TMOD3: variants seen among roughly 807,000 people sequenced by gnomAD.
TMOD3 encodes tropomodulin 3, also known as tropomodulin-3.
A neutral mutation model predicts 39.2 loss-of-function variants in TMOD3; 20 were observed. That is an observed-to-expected ratio of 0.51 (90% CI 0.36 to 0.74). TMOD3 has a LOEUF of 0.74. Ranked by LOEUF, TMOD3 falls within the 30% of genes least tolerant of loss-of-function variation. TMOD3 has a pLI of 0.00. For synonymous variants in TMOD3, 143 were observed against 145.8 expected (o/e 0.98, Z 0.14); for missense variants, 381 against 412.8 (o/e 0.92, Z 0.67).
At chr15:51,898,128 G>T (rs1046274344) in intron 7 of TMOD3, among the ~76,000 whole-genome samples, 3 of 152,162 alleles carry the variant, frequency 2.0e-5, no homozygotes, top group South Asian at 2.1e-4. Flanking sequence ...ATCTTTCAGT[G>T]GCCTTATAAG....
At chr15:51,869,447 TC>T in intron 3 of TMOD3, 74 bp downstream of exon 3, 1 of 1,454,294 alleles carries the variant, frequency 6.9e-7, no homozygotes, top group African/African-American at 1.4e-5. Context: ...GTGGAGAAAA[TC>T]ATATTTTTAG....
intron 1 of TMOD3, among the ~76,000 whole-genome samples, chr15:51,852,342 G>T (rs567679066): frequency 5.3e-5 from 8 of 151,934 alleles, no homozygotes; most frequent in African/African-American, 1.9e-4. Flanking sequence ...TAAGCCTAGC[G>T]CAACTGAAGA....
rs985275076 is a variant in TMOD3, at chr15:51,831,459, T to C, written c.-75+1623T>C. On this transcript the variant is annotated intron_variant, in intron 1 of 9. Coordinates refer to ENST00000308580, the MANE Select transcript of TMOD3 (RefSeq NM_014547.5). ...TAATTCATTCAGGATATTCTAGGTT[T>C]GAAGTAGAGTCCAAAGTCTGTATGT... Among the ~76,000 whole-genome samples, 3 of 152,326 alleles carry C rather than the reference T, an allele frequency of 2.0e-5. No homozygotes were observed. In the South Asian group the frequency reaches 6.2e-4, roughly 32 times the overall value.
At chr15:51,893,990 T>G in intron 6 of TMOD3, 45 bp downstream of exon 6, 1 of 1,485,700 alleles carries the variant, frequency 6.7e-7, no homozygotes. Flanking sequence ...TTGAGTTAGT[T>G]GAACCTAGGA....
chr15:51,839,482 G>C (rs2056303046), intron 1 of TMOD3, among the ~76,000 whole-genome samples: 1 of 151,966 alleles, frequency 6.6e-6, no homozygotes, highest in African/African-American at 2.4e-5. Context: ...TCTCTTATTT[G>C]GTGTCTATTT....
chr15:51,836,827 G>C (rs1425951305), intron 1 of TMOD3, among the ~76,000 whole-genome samples: 2 of 151,918 alleles, frequency 1.3e-5, no homozygotes, highest in Non-Finnish European at 2.9e-5. Flanking sequence ...CCACTGCCTC[G>C]GGTATATATG....
Position 51,869,248 on chromosome 15 carries a change from A to G in TMOD3, c.158A>G (p.Lys53Arg). 6.2e-7 allele frequency: 1 copy of G among 1,614,052 alleles called. No individual in the cohort carries two copies. The highest frequency in any genetic ancestry group is 8.5e-7 in the Non-Finnish European group (1 of 1,179,964). Residue 53 changes from lysine (K) to arginine (R), a missense_variant, in exon 3 of 10, where the codon AAG becomes AGG. Transcript: ENST00000308580. ...NALLPAGFRQ[K>R]NQTSKSTTGP... ...CTTCTGCCTGCAGGGTTCCGGCAGAAGAACCAGACATCAAAGTCCACCACA... is the reference window on the plus strand; with the variant it reads ...CTTCTGCCTGCAGGGTTCCGGCAGAGGAACCAGACATCAAAGTCCACCACA...
chr15:51,913,906 G>A lies in TMOD3; in HGVS notation c.*5096G>A, dbSNP rs370025097. ...CGCATGCCTGTAGTCCCATCTACTC[G>A]GAAGACTGAGGCAGCAGAACCGCTT... is the stretch of plus-strand genomic sequence containing the variant. On this transcript the variant is annotated 3_prime_UTR_variant, in exon 10 of 10. Coordinates refer to ENST00000308580, the MANE Select transcript of TMOD3 (RefSeq NM_014547.5). The A allele has an allele frequency of 2.6e-5, 4 of 151,740 alleles. No individual in the cohort carries two copies. In the East Asian group the frequency reaches 5.8e-4, roughly 22 times the overall value. 9.4% of individuals were successfully genotyped at this position (151,740 alleles called of 1,614,324 possible).
At chr15:51,836,932 A>G (rs1389923487) in intron 1 of TMOD3, among the ~76,000 whole-genome samples, 1 of 152,120 alleles carries the variant, frequency 6.6e-6, no homozygotes, top group Non-Finnish European at 1.5e-5. Flanking sequence ...ATAACCCCCT[A>G]CAAATAAACA....
intron 3 of TMOD3, among the ~76,000 whole-genome samples, chr15:51,876,377 C>G (rs1396977680): frequency 2.0e-5 from 3 of 151,562 alleles, no homozygotes; most frequent in Non-Finnish European, 4.4e-5. Flanking sequence ...CTATGTTGTT[C>G]TCAAATGCTT....
intron 9 of TMOD3, among the ~76,000 whole-genome samples, chr15:51,906,662 G>A (rs996736643): frequency 2.0e-5 from 3 of 152,132 alleles, no homozygotes; most frequent in Admixed American, 6.5e-5. Flanking sequence ...AGCATCTGAA[G>A]TGGTATGCCA....
In TMOD3 at chr15:51,911,456, G is replaced by A. The variant is rs1372029513; in HGVS notation, c.*2646G>A. 1 of 151,916 alleles carries A rather than the reference G, an allele frequency of 6.6e-6. No individual in the cohort carries two copies. The highest frequency in any genetic ancestry group is 6.6e-5 in the Admixed American group (1 of 15,248). The allele number at this position is 151,916 out of a possible 1,614,324, so 9.4% of individuals were successfully genotyped here. On this transcript the variant is annotated 3_prime_UTR_variant, in exon 10 of 10. Coordinates refer to ENST00000308580, the MANE Select transcript of TMOD3 (RefSeq NM_014547.5). ...TCCAAAATTATAAGGGAGAAAAATCGGGTTTACTTCAATCTTTAAAAATCT... is the reference window on the plus strand; with the variant it reads ...TCCAAAATTATAAGGGAGAAAAATCAGGTTTACTTCAATCTTTAAAAATCT...
At chr15:51,835,410 C>T (rs541892448) in intron 1 of TMOD3, among the ~76,000 whole-genome samples, 74 of 152,258 alleles carry the variant, frequency 4.9e-4, no homozygotes, top group Non-Finnish European at 9.6e-4. Context: ...TCAAGCAGTC[C>T]GTCAGCCTCA....
intron 1 of TMOD3, among the ~76,000 whole-genome samples, chr15:51,835,978 G>T (rs1004880640): frequency 6.6e-6 from 1 of 152,180 alleles, no homozygotes. Context: ...GACAACTGGG[G>T]ACTTACCAGT....
chr15:51,901,072 G>A (rs957915915), intron 8 of TMOD3: 1 of 152,230 alleles, frequency 6.6e-6, no homozygotes. Flanking sequence ...TGCCTATTCT[G>A]GACAGCTTAT....
chr15:51,877,898 T>A (rs1203921831), intron 3 of TMOD3, among the ~76,000 whole-genome samples: 3 of 152,162 alleles, frequency 2.0e-5, no homozygotes, highest in Non-Finnish European at 4.4e-5. Context: ...AGAAGTTTTT[T>A]TTTTTCCCTT....
At chr15:51,885,367 A>C (rs2056555459) in intron 3 of TMOD3, among the ~76,000 whole-genome samples, 1 of 148,550 alleles carries the variant, frequency 6.7e-6, no homozygotes, top group Non-Finnish European at 1.5e-5. Flanking sequence ...ATAGGACAAT[A>C]GTGGAGGGAA....
At chr15:51,853,057 A>C (rs940652968) in intron 1 of TMOD3, among the ~76,000 whole-genome samples, 2 of 152,240 alleles carry the variant, frequency 1.3e-5, no homozygotes, top group Non-Finnish European at 2.9e-5. Flanking sequence ...ACTCATAAAA[A>C]AGACTTATAC....
At position 51,888,956 on chromosome 15, in the gene TMOD3, G is replaced by A. The variant is rs59425103; in HGVS notation, c.407-100G>A. Reference sequence around the variant, plus strand: ...GTGGGTGTGTGATCTGTAATTTATAGGAAAAGGTCCAGAGGATATTAAAAT... The same window carrying A: ...GTGGGTGTGTGATCTGTAATTTATAAGAAAAGGTCCAGAGGATATTAAAAT... On this transcript the variant is annotated intron_variant, in intron 4 of 9. Transcript: ENST00000308580. 1.4e-3 allele frequency: 961 copies of A among 709,726 alleles called. 15 individuals are homozygous for A. The East Asian group carries it at 0.027, about 20-fold the overall frequency. 44.0% of individuals were successfully genotyped at this position (709,726 alleles called of 1,614,324 possible).
Sources: gnomAD v4.1 joint callset for allele counts (sites outside exome capture counted in the v4.1 genomes callset) on GRCh38, gnomAD v4.1.1 for gene constraint, MANE v1.5 for transcripts, NCBI Gene and HGNC (gene_info 2026-07-23, HGNC 2026-07-21) for gene names.